PRKAA2: variants seen among roughly 807,000 people sequenced by gnomAD.
PRKAA2 encodes the protein protein kinase AMP-activated catalytic subunit alpha 2.
In PRKAA2, 40 loss-of-function variants were observed where a neutral mutation model predicts 56.3. The ratio of observed to expected loss-of-function variants is 0.71; its 90% CI spans 0.55 to 0.92. PRKAA2 has a LOEUF of 0.92. Ranked by LOEUF, PRKAA2 falls within the 40% of genes least tolerant of loss-of-function variation. PRKAA2 has a pLI of 0.00. For synonymous variants in PRKAA2, 214 were observed against 234.2 expected, an observed-to-expected ratio of 0.91 and a Z score of 0.79; for missense variants, 542 against 686.9, an observed-to-expected ratio of 0.79 and a Z score of 2.36.
chr1:56,714,757 T>TC lies in PRKAA2; in HGVS notation c.*7045dup, dbSNP rs1350539357. ...TTAGGAAGAATGGTTGTGTTCTTTGTCATGTATGCTTAAATATACAGTGGA... is the reference window on the plus strand; with the variant it reads ...TTAGGAAGAATGGTTGTGTTCTTTGTCCATGTATGCTTAAATATACAGTGGA... On this transcript the variant is annotated 3_prime_UTR_variant, in exon 9 of 9. Transcript: ENST00000371244. The TC allele has an allele frequency of 6.6e-6, 1 of 152,188 alleles. No homozygotes were observed. The highest frequency in any genetic ancestry group is 1.5e-5 in the Non-Finnish European group (1 of 68,014). 9.4% of individuals were successfully genotyped at this position (152,188 alleles called of 1,614,324 possible).
rs568834576 is a variant in PRKAA2 at position 56,671,674 on chromosome 1, C to T, written c.95-2707C>T. The stretch of plus-strand genomic sequence containing the variant: ...AGAAACTCAGTTCTTCCTAAGTCAT[C>T]GCATTACATGTTTGGAGTACTCTGA... On this transcript the variant is annotated intron_variant, in intron 1 of 8. Transcript: ENST00000371244. Among the ~76,000 whole-genome samples, 10 of 152,284 alleles carry T rather than the reference C, an allele frequency of 6.6e-5. No homozygotes were observed. In the South Asian group the frequency reaches 8.3e-4, roughly 13 times the overall value.
intron 2 of PRKAA2, among the ~76,000 whole-genome samples, chr1:56,684,754 T>C (rs1644179548): frequency 6.6e-6 from 1 of 152,062 alleles, no homozygotes; most frequent in Non-Finnish European, 1.5e-5. Context: ...AAAAACCTGA[T>C]GTAAAGGGTT....
At chr1:56,662,603 A>G (rs1181588716) in intron 1 of PRKAA2, among the ~76,000 whole-genome samples, 22 of 152,190 alleles carry the variant, frequency 1.4e-4, no homozygotes, top group Non-Finnish European at 2.9e-5. Flanking sequence ...ATTTTTTAGC[A>G]TAAATGCCAT....
chr1:56,648,582 G>T (rs1279301488), intron 1 of PRKAA2, among the ~76,000 whole-genome samples: 2 of 152,192 alleles, frequency 1.3e-5, no homozygotes, highest in Non-Finnish European at 2.9e-5. Flanking sequence ...AAGTAGAATT[G>T]CTGGGTCATA....
At position 56,712,666 on chromosome 1, in the gene PRKAA2, A is replaced by G. The variant is rs1306911520; in HGVS notation, c.*4953A>G. 6.6e-6 allele frequency: 1 copy of G among 152,188 alleles called. No homozygotes were observed. The highest frequency in any genetic ancestry group is 1.5e-5 in the Non-Finnish European group (1 of 68,046). The allele number at this position is 152,188 out of a possible 1,614,324, so 9.4% of individuals were successfully genotyped here. The stretch of plus-strand genomic sequence containing the variant: ...CAGGAGTTCGAGACCAGTCTGGCCA[A>G]CATGGTGAAACCTCGTCTCTACTAA... On this transcript the variant is annotated 3_prime_UTR_variant, in exon 9 of 9. Transcript: ENST00000371244.
intron 2 of PRKAA2, among the ~76,000 whole-genome samples, chr1:56,676,815 T>G (rs1159916269): frequency 6.6e-6 from 1 of 152,182 alleles, no homozygotes; most frequent in Non-Finnish European, 1.5e-5. Context: ...CACTGACTGT[T>G]CAGAGCAGGC....
At chr1:56,684,408 G>A (rs561593273) in intron 2 of PRKAA2, among the ~76,000 whole-genome samples, 3 of 152,040 alleles carry the variant, frequency 2.0e-5, no homozygotes, top group Non-Finnish European at 2.9e-5. Flanking sequence ...CAGACAGACT[G>A]TATTTAAGAT....
At chr1:56,705,916 C>T (rs937735693) in intron 7 of PRKAA2, among the ~76,000 whole-genome samples, 176 bp from the exon 8 acceptor site, 1 of 152,110 alleles carries the variant, frequency 6.6e-6, no homozygotes, top group East Asian at 1.9e-4. Flanking sequence ...ATCTTAATTG[C>T]CATACAGTAC....
At chr1:56,685,542 A>C (rs1219035448) in intron 2 of PRKAA2, among the ~76,000 whole-genome samples, 3 of 152,222 alleles carry the variant, frequency 2.0e-5, no homozygotes, top group Admixed American at 2.0e-4. Flanking sequence ...GGCTCTGATC[A>C]ACAGTGGCTT....
intron 6 of PRKAA2, among the ~76,000 whole-genome samples, chr1:56,703,065 C>T (rs564482486): frequency 5.3e-5 from 8 of 152,134 alleles, no homozygotes; most frequent in Admixed American, 2.6e-4. Flanking sequence ...TAAACAATCT[C>T]GAAGGAGTAG....
At chr1:56,694,943 G>A (rs928291929) in intron 5 of PRKAA2, among the ~76,000 whole-genome samples, 9 of 151,984 alleles carry the variant, frequency 5.9e-5, no homozygotes, top group Non-Finnish European at 1.0e-4. Flanking sequence ...CCAGGTTTGA[G>A]TATGGTAATA....
intron 2 of PRKAA2, among the ~76,000 whole-genome samples, chr1:56,688,067 G>A (rs1644204468): frequency 6.6e-6 from 1 of 152,110 alleles, no homozygotes; most frequent in Admixed American, 6.6e-5. Flanking sequence ...CAATATACTT[G>A]TATTTTAGAC....
chr1:56,656,811 G>A (rs1643948648), intron 1 of PRKAA2, among the ~76,000 whole-genome samples: 1 of 152,136 alleles, frequency 6.6e-6, no homozygotes, highest in South Asian at 2.1e-4. Flanking sequence ...GACGTTCTGT[G>A]TTTCTGTCCT....
At chr1:56,675,357 T>G (rs1342225544) in intron 2 of PRKAA2, among the ~76,000 whole-genome samples, 1 of 150,716 alleles carries the variant, frequency 6.6e-6, no homozygotes, top group African/African-American at 2.4e-5. Flanking sequence ...TTTTTTTTTG[T>G]CAAGTTTCTG....
intron 7 of PRKAA2, 47 bp downstream of exon 7, chr1:56,704,522 T>C: frequency 6.5e-7 from 1 of 1,530,268 alleles, no homozygotes; most frequent in Non-Finnish European, 8.7e-7. Context: ...GCCATTTTTC[T>C]ATATTATAAG....
At chr1:56,659,122 C>A (rs12092267) in intron 1 of PRKAA2, among the ~76,000 whole-genome samples, 59,483 of 151,416 alleles carry the variant, frequency 0.39, 12,391 homozygotes, top group Middle Eastern at 0.52. Flanking sequence ...ATTCCTGACT[C>A]TATTTTTTAA....
Position 56,714,590 on chromosome 1 carries a change from A to T in PRKAA2, c.*6877A>T, listed in dbSNP as rs1161641226. On this transcript the variant is annotated 3_prime_UTR_variant, in exon 9 of 9. Coordinates refer to ENST00000371244, the MANE Select transcript of PRKAA2 (RefSeq NM_006252.4). ...TGTAACAAATATTCAGAATCTCTTA[A>T]AATGTTGGCTGAAGCTGCCTTAATG... 2 of 152,148 alleles carry T rather than the reference A, an allele frequency of 1.3e-5. No individual in the cohort carries two copies. Among genetic ancestry groups the T allele is most frequent in the Non-Finnish European group, 2.9e-5 (2 of 68,006 alleles). 9.4% of individuals were successfully genotyped at this position (152,148 alleles called of 1,614,324 possible).
intron 2 of PRKAA2, among the ~76,000 whole-genome samples, chr1:56,683,683 G>A (rs990601757): frequency 1.3e-5 from 2 of 152,128 alleles, no homozygotes; most frequent in East Asian, 1.9e-4. Flanking sequence ...ACAGTGAAGA[G>A]GTGAGGGGAT....
chr1:56,693,724 A>C (rs754434848), intron 4 of PRKAA2, 41 bp from the exon 5 acceptor site: 17 of 1,390,706 alleles, frequency 1.2e-5, no homozygotes, highest in Admixed American at 1.9e-5. Flanking sequence ...ATCTACTTTT[A>C]AAAATATCTA....
Sources: gnomAD v4.1 joint callset for allele counts (sites outside exome capture counted in the v4.1 genomes callset) on GRCh38, gnomAD v4.1.1 for gene constraint, MANE v1.5 for transcripts, NCBI Gene and HGNC (gene_info 2026-07-23, HGNC 2026-07-21) for gene names.